The following PHLDB2 variants were observed in gnomAD, a reference collection of about 807,000 sequenced individuals.
The protein encoded by PHLDB2 is pleckstrin homology-like domain family B member 2.
PHLDB2 carries 71 observed loss-of-function variants against 123.6 expected under a neutral mutation model. The ratio of observed to expected loss-of-function variants is 0.57; its 90% confidence interval spans 0.47 to 0.70. The LOEUF (loss-of-function observed/expected upper bound fraction) is 0.70. Among genes scored for constraint, PHLDB2 ranks in the 30% least tolerant of loss-of-function variants. The pLI is 0.00. For missense variants in PHLDB2, 1,446 were observed against 1,519.5 expected (o/e 0.95, Z 0.80); for synonymous variants, 547 against 541.6 (o/e 1.01, Z -0.14).
chr3:111,780,388 GAAGAAGAAGAA>G lies in PHLDB2; in HGVS notation c.-49+47686_-49+47696del, dbSNP rs1294186274. ...AGAAGAAGAAGAAGAAGAAGAAGAA[GAAGAAGAAGAA>G]GAAGAAGAAGAAAAAGATTAGTTCG... On this transcript the variant is annotated intron_variant, in intron 1 of 17. Coordinates refer to the PHLDB2 transcript ENST00000393923. Among the ~76,000 whole-genome samples the G allele has an allele frequency of 2.5e-4, 12 of 48,288 alleles. 1 individual carries two copies. Among genetic ancestry groups the G allele is most frequent in the African/African-American group, 5.3e-4 (12 of 22,702 alleles). 31.7% of individuals were successfully genotyped at this position (48,288 alleles called of 152,430 possible).
intron 1 of PHLDB2, among the ~76,000 whole-genome samples, chr3:111,761,890 A>T (rs6802995): frequency 6.6e-6 from 1 of 151,888 alleles, no homozygotes; most frequent in Non-Finnish European, 1.5e-5. Context: ...AAAGCATACA[A>T]ATTTATTTAA....
At chr3:111,895,045 A>G (rs2066742466) in intron 2 of PHLDB2, among the ~76,000 whole-genome samples, 1 of 93,554 alleles carries the variant, frequency 1.1e-5, no homozygotes, top group South Asian at 4.0e-4. Context: ...GTCCTCCATT[A>G]ACTGAGAGTG....
At position 111,835,837 on chromosome 3, in the gene PHLDB2, G is replaced by C. The variant is rs961930801; in HGVS notation, c.-48-9984G>C. Among the ~76,000 whole-genome samples the C allele has an allele frequency of 2.6e-5, 4 of 152,184 alleles. No homozygotes were observed. The East Asian group carries it at 7.7e-4, about 29-fold the overall frequency. ...CCTCTTCCTCACGACTCAGGGCCTA[G>C]GTTCCAAGGGCTAGCTTCTCCGAAG... is the stretch of plus-strand genomic sequence containing the variant. On this transcript the variant is annotated intron_variant, in intron 1 of 17. Coordinates refer to the PHLDB2 transcript ENST00000393923.
intron 1 of PHLDB2, chr3:111,883,818 G>C (rs2107330129): frequency 2.3e-6 from 1 of 425,720 alleles, no homozygotes; most frequent in East Asian, 4.2e-5. Flanking sequence ...TTAGGGATTT[G>C]TTTCGCTCAA....
intron 4 of PHLDB2, 126 bp downstream of exon 4, chr3:111,919,341 G>A (rs1315518793): frequency 4.2e-6 from 4 of 957,262 alleles, no homozygotes; most frequent in Non-Finnish European, 4.8e-6. Flanking sequence ...TTTATTCAGT[G>A]GGTTCCCTGT....
chr3:111,785,883 G>A (rs947580822), intron 1 of PHLDB2, among the ~76,000 whole-genome samples: 5 of 152,214 alleles, frequency 3.3e-5, no homozygotes, highest in East Asian at 1.9e-4. Context: ...TGTTTTGCTC[G>A]GGAAGAGATT....
chr3:111,931,612 T>A (rs2069152829), intron 5 of PHLDB2, among the ~76,000 whole-genome samples: 1 of 152,220 alleles, frequency 6.6e-6, no homozygotes, highest in African/African-American at 2.4e-5. Flanking sequence ...CTGAGCTGCC[T>A]ATGCCTTCCC....
chr3:111,786,531 A>G (rs1245805650), intron 1 of PHLDB2, among the ~76,000 whole-genome samples: 1 of 152,174 alleles, frequency 6.6e-6, no homozygotes, highest in African/African-American at 2.4e-5. Context: ...GGATTGTTTG[A>G]CCTAGCTGAA....
intron 1 of PHLDB2, among the ~76,000 whole-genome samples, chr3:111,780,307 G>GA (rs1433617115): frequency 6.7e-3 from 17 of 2,546 alleles, no homozygotes; most frequent in Middle Eastern, 0.5. Flanking sequence ...GGAAGAGGAA[G>GA]AGGAAGAGGA....
intron 2 of PHLDB2, among the ~76,000 whole-genome samples, chr3:111,890,168 C>T (rs2066396876): frequency 1.3e-5 from 2 of 152,232 alleles, no homozygotes; most frequent in Non-Finnish European, 2.9e-5. Context: ...CAACTCACCA[C>T]GTGGTCAGAT....
intron 5 of PHLDB2, among the ~76,000 whole-genome samples, chr3:111,921,225 A>G (rs2068482780): frequency 6.6e-6 from 1 of 152,252 alleles, no homozygotes. Flanking sequence ...GAGCAGAACT[A>G]AAAATAAAAT....
chr3:111,796,333 G>A (rs2061160903), intron 1 of PHLDB2, among the ~76,000 whole-genome samples: 1 of 152,194 alleles, frequency 6.6e-6, no homozygotes. Context: ...CTGTCTTGTT[G>A]ATTCTGCCCT....
Position 111,771,532 on chromosome 3 carries a change from G to A in PHLDB2, c.-49+38829G>A, listed in dbSNP as rs544900466. Among the ~76,000 whole-genome samples, 10 of 152,120 alleles carry A rather than the reference G, an allele frequency of 6.6e-5. No homozygotes were observed. In the South Asian group the frequency reaches 1.9e-3, roughly 28 times the overall value. On this transcript the variant is annotated intron_variant, in intron 1 of 17. Coordinates refer to the PHLDB2 transcript ENST00000393923. ...TTTTTTGTATTTTTAGTAGAGATGG[G>A]GTTTCACCACGTGGGCCAGACTGGT...
intron 1 of PHLDB2, among the ~76,000 whole-genome samples, chr3:111,739,975 G>C (rs1243224104): frequency 6.6e-6 from 1 of 151,916 alleles, no homozygotes. Context: ...TTTTACCTGA[G>C]GTTATTTTAC....
chr3:111,949,695 T>C (rs927019039), intron 10 of PHLDB2: 4 of 982,192 alleles, frequency 4.1e-6, no homozygotes, highest in African/African-American at 3.5e-5. Flanking sequence ...TTCTTTCTCC[T>C]ATAAAGCAAA....
At chr3:111,959,314 A>T (rs902627831) in intron 12 of PHLDB2, among the ~76,000 whole-genome samples, 3 of 152,202 alleles carry the variant, frequency 2.0e-5, no homozygotes, top group Admixed American at 1.3e-4. Context: ...GCAGGGAGGA[A>T]GCTAGGCCAG....
intron 1 of PHLDB2, among the ~76,000 whole-genome samples, chr3:111,806,026 A>G (rs1295240026): frequency 3.1e-5 from 4 of 129,480 alleles, no homozygotes; most frequent in Non-Finnish European, 6.8e-5. Flanking sequence ...AAATGGGTAC[A>G]TAAAAAAACA....
At chr3:111,768,938 C>T (rs762216196) in intron 1 of PHLDB2, among the ~76,000 whole-genome samples, 27 of 152,174 alleles carry the variant, frequency 1.8e-4, no homozygotes, top group Admixed American at 1.4e-3. Context: ...CCCAAGGAGC[C>T]CACTGGTTGC....
chr3:111,968,231 A>G (rs1395032263), intron 15 of PHLDB2, among the ~76,000 whole-genome samples: 3 of 152,190 alleles, frequency 2.0e-5, no homozygotes, highest in African/African-American at 4.8e-5. Flanking sequence ...AAGAGGTCCT[A>G]CTAAGCCATC....
Sources: gnomAD v4.1 joint callset for allele counts (sites outside exome capture counted in the v4.1 genomes callset) on GRCh38, gnomAD v4.1.1 for gene constraint, MANE v1.5 for transcripts, NCBI Gene and HGNC (gene_info 2026-07-23, HGNC 2026-07-21) for gene names.